The following HSH2D variants were observed in gnomAD, a reference collection of about 807,000 sequenced individuals.
The protein encoded by HSH2D is hematopoietic SH2 domain containing.
Under a neutral mutation model 21.5 loss-of-function variants are expected in HSH2D, and 16 were observed. The observed-to-expected ratio is 0.74, with a 90% CI of 0.50 to 1.13. The LOEUF (loss-of-function observed/expected upper bound fraction) is 1.13. Ranked by LOEUF, HSH2D falls within the 50% of genes most tolerant of loss-of-function variation. HSH2D has a pLI of 0.00. For missense variants in HSH2D, 418 were observed against 441.4 expected, an observed-to-expected ratio of 0.95 and a Z score of 0.47; for synonymous variants, 172 against 184.7, an observed-to-expected ratio of 0.93 and a Z score of 0.56.
At chr19:16,145,724 T>C (rs62116263) in intron 1 of HSH2D, among the ~76,000 whole-genome samples, 10,441 of 152,176 alleles carry the variant, frequency 0.069, 384 homozygotes, top group African/African-American at 0.084. Flanking sequence ...TTTTGAGATA[T>C]TGAAACATTA....
intron 5 of HSH2D, among the ~76,000 whole-genome samples, chr19:16,155,998 G>C (rs963460340): frequency 4.0e-5 from 6 of 151,870 alleles, no homozygotes; most frequent in African/African-American, 1.4e-4. Context: ...AGGAAGTGAG[G>C]TGGGGGTGGA....
At chr19:16,145,800 G>A (rs1338150913) in intron 1 of HSH2D, among the ~76,000 whole-genome samples, 1 of 152,166 alleles carries the variant, frequency 6.6e-6, no homozygotes, top group Non-Finnish European at 1.5e-5. Flanking sequence ...GAGTGGCCGG[G>A]CGCAGTGGCT....
In HSH2D at chr19:16,143,697, A is replaced by G. The variant is rs1229337024; in HGVS notation, c.-105A>G. 2.2e-6 allele frequency: 1 copy of G among 449,202 alleles called. No individual in the cohort carries two copies. Among genetic ancestry groups the G allele is most frequent in the Admixed American group, 2.4e-5 (1 of 41,428 alleles). The allele number at this position is 449,202 out of a possible 1,614,324, so 27.8% of individuals were successfully genotyped here. ...CCAGCCCCGCCCCATTGACGTGCAG[A>G]CCTTGAATCGAAACCCAGGCTCCTG... is the stretch of plus-strand genomic sequence containing the variant. On this transcript the variant is annotated 5_prime_UTR_variant, in exon 1 of 6. Transcript: ENST00000613986.
chr19:16,140,390 AG>A (rs2090991898), upstream of HSH2D, among the ~76,000 whole-genome samples: 1 of 152,202 alleles, frequency 6.6e-6, no homozygotes, highest in African/African-American at 2.4e-5. Flanking sequence ...AGACCACTTG[AG>A]GTCAGGAGTT....
At position 16,148,680 on chromosome 19, in the gene HSH2D, G is replaced by T. The variant is rs73005206; in HGVS notation, c.-27-44G>T. ...TTCAAGAATAGAGCAAAGATAAGAG[G>T]TGCATCAAGCTTGATTCTTGTCTTC... On this transcript the variant is annotated intron_variant, in intron 1 of 5. Coordinates refer to ENST00000613986, the MANE Select transcript of HSH2D (RefSeq NM_001382417.1). 1.2e-5 allele frequency: 19 copies of T among 1,572,426 alleles called. No individual in the cohort carries two copies. In the East Asian group the frequency reaches 4.3e-4, roughly 35 times the overall value.
intron 1 of HSH2D, among the ~76,000 whole-genome samples, chr19:16,146,196 G>A (rs771139139): frequency 6.6e-6 from 1 of 152,150 alleles, no homozygotes; most frequent in Non-Finnish European, 1.5e-5. Flanking sequence ...AAACGGTGCT[G>A]CTTTCTCTCT....
chr19:16,148,643 G>A, intron 1 of HSH2D, 81 bp from the exon 2 acceptor site: 5 of 1,401,042 alleles, frequency 3.6e-6, no homozygotes, highest in South Asian at 2.4e-5. Flanking sequence ...CAAAGGAGGA[G>A]GCACCACAAG....
rs2091216116 is a variant in HSH2D, at chr19:16,154,725, G to C, written c.474+234G>C. 2.0e-4 allele frequency: 79 copies of C among 389,862 alleles called. No homozygotes were observed. In the South Asian group the frequency reaches 2.1e-3, roughly 10 times the overall value. 24.2% of individuals were successfully genotyped at this position (389,862 alleles called of 1,614,324 possible). A position where few individuals can be genotyped will look rare whatever the true frequency, so the allele number is the denominator to read the frequency against. ...CAGCCCTGCTGCCATACCGTCTGTTGTTCAGACACACCAAGCTAGCCTCGG... is the reference window on the plus strand; with the variant it reads ...CAGCCCTGCTGCCATACCGTCTGTTCTTCAGACACACCAAGCTAGCCTCGG... On this transcript the variant is annotated intron_variant, in intron 5 of 5. Transcript: ENST00000613986.
intron 1 of HSH2D, among the ~76,000 whole-genome samples, chr19:16,135,384 A>C (rs577290196): frequency 5.7e-4 from 86 of 151,890 alleles, no homozygotes; most frequent in Non-Finnish European, 1.0e-3. Context: ...AGCTGTGACC[A>C]CACCACTACA....
intron 1 of HSH2D, among the ~76,000 whole-genome samples, 171 bp from the exon 2 acceptor site, chr19:16,148,553 T>C (rs902299462): frequency 5.3e-5 from 8 of 152,186 alleles, no homozygotes; most frequent in Non-Finnish European, 1.0e-4. Context: ...CCCAAAGTGC[T>C]GGGATTACAC....
At chr19:16,153,879 G>A (rs528577964) in intron 4 of HSH2D, among the ~76,000 whole-genome samples, 1 of 151,262 alleles carries the variant, frequency 6.6e-6, no homozygotes, top group African/African-American at 2.4e-5. Flanking sequence ...TGTGGGCGGG[G>A]CATCTTTCCT....
chr19:16,154,289 T>G, intron 4 of HSH2D, 110 bp from the exon 5 acceptor site: 1 of 645,910 alleles, frequency 1.5e-6, no homozygotes, highest in Admixed American at 3.0e-5. Flanking sequence ...GTGGCCTAGG[T>G]ACTAAGAAAC....
At chr19:16,141,546 A>G (rs182793408), upstream of HSH2D, among the ~76,000 whole-genome samples, 4 of 151,494 alleles carry the variant, frequency 2.6e-5, no homozygotes, top group Non-Finnish European at 4.4e-5. Context: ...AAATCAGAAG[A>G]AAAAAAACTG....
chr19:16,144,288 G>A (rs2091033666), intron 1 of HSH2D, among the ~76,000 whole-genome samples: 1 of 151,982 alleles, frequency 6.6e-6, no homozygotes, highest in Admixed American at 6.6e-5. Context: ...TAGCTCCATG[G>A]AGTCATGGCT....
rs372670519 is a variant in HSH2D, at chr19:16,148,780, G to A, written c.30G>A (p.Pro10=). 7.4e-6 allele frequency: 12 copies of A among 1,613,590 alleles called. No individual in the cohort carries two copies. The highest frequency in any genetic ancestry group is 4.5e-5 in the East Asian group (2 of 44,864). ...CAGAGGCCGGGAAGCTGCCCCTACC[G>A]CTACCCCCACGGCTGGACTGGTTTG... MTEAGKLPL[P]LPPRLDWFVH... The change falls in exon 2 of 6, where the codon CCG becomes CCA. Residue 10 remains proline (P), a synonymous_variant. Coordinates refer to ENST00000613986, the MANE Select transcript of HSH2D (RefSeq NM_001382417.1).
intron 1 of HSH2D, among the ~76,000 whole-genome samples, chr19:16,135,017 C>G (rs2082172253): frequency 6.6e-6 from 1 of 151,766 alleles, no homozygotes; most frequent in Non-Finnish European, 1.5e-5. Flanking sequence ...ATGCCTCATC[C>G]CAGCACTTTG....
intron 1 of HSH2D, among the ~76,000 whole-genome samples, chr19:16,148,475 G>A (rs937922735): frequency 1.3e-5 from 2 of 151,704 alleles, no homozygotes; most frequent in Non-Finnish European, 2.9e-5. Context: ...TGTAGAGATG[G>A]GGGTCTCACT....
intron 4 of HSH2D, among the ~76,000 whole-genome samples, 172 bp from the exon 5 acceptor site, chr19:16,154,227 C>G (rs897533866): frequency 6.6e-6 from 1 of 151,858 alleles, no homozygotes; most frequent in Non-Finnish European, 1.5e-5. Context: ...GTGTCCCAAT[C>G]CCTAAGAAAT....
At chr19:16,152,877 C>A (rs968446860) in intron 3 of HSH2D, 166 bp from the exon 4 acceptor site, 2 of 849,552 alleles carry the variant, frequency 2.4e-6, no homozygotes, top group Admixed American at 2.0e-5. Context: ...TGAGGCACAG[C>A]GAGGTTAGTA....
Sources: gnomAD v4.1 joint callset for allele counts (sites outside exome capture counted in the v4.1 genomes callset) on GRCh38, gnomAD v4.1.1 for gene constraint, MANE v1.5 for transcripts, NCBI Gene and HGNC (gene_info 2026-07-23, HGNC 2026-07-21) for gene names.